GTPBP1: variants seen among roughly 807,000 people sequenced by gnomAD.
GTPBP1 encodes GTP binding protein 1, also known as GTP-binding protein 1.
In GTPBP1, 23 loss-of-function variants were observed where a neutral mutation model predicts 62.0. The observed-to-expected ratio is 0.37, with a 90% CI of 0.27 to 0.53. The LOEUF (loss-of-function observed/expected upper bound fraction) is 0.53. Among genes scored for constraint, GTPBP1 ranks in the 20% least tolerant of loss-of-function variants. The probability of loss-of-function intolerance (pLI) is 0.89; values close to 1 mark genes in which losing one functional copy is unlikely to be tolerated. For missense variants in GTPBP1, 640 were observed against 917.3 expected, an observed-to-expected ratio of 0.70 and a Z score of 3.90; for synonymous variants, 344 against 364.4, an observed-to-expected ratio of 0.94 and a Z score of 0.64.
intron 2 of GTPBP1, 53 bp from the exon 3 acceptor site, chr22:38,715,854 G>A (rs2092666923): frequency 1.3e-6 from 2 of 1,488,884 alleles, no homozygotes; most frequent in Admixed American, 4.1e-5. Flanking sequence ...CTGGTTGGCA[G>A]GCTGGTTGGT....
chr22:38,706,493 C>G (rs1046400489), intron 1 of GTPBP1: 167 of 191,390 alleles, frequency 8.7e-4, no homozygotes, highest in African/African-American at 3.7e-3. Flanking sequence ...AGTGCCCCTC[C>G]CCGTTCTTCG....
In GTPBP1 at chr22:38,716,459, C is replaced by T. The variant is rs2145855189; in HGVS notation, c.486-193C>T. 6.6e-6 allele frequency among the ~76,000 whole-genome samples: 1 copy of T among 152,260 alleles called. No individual in the cohort carries two copies. The highest frequency in any genetic ancestry group is 1.9e-4 in the East Asian group (1 of 5,170). ...GAGATAGCCGCTGTGGGAGTCTGGG[C>T]CCTTCTGATGACTCTACAGCAGCAG... is the stretch of plus-strand genomic sequence containing the variant. On this transcript the variant is annotated intron_variant, in intron 3 of 11. Transcript: ENST00000216044. The surrounding 1 kb of genome is among the most constrained non-coding windows in gnomAD (Gnocchi z 5.2).
intron 4 of GTPBP1, among the ~76,000 whole-genome samples, chr22:38,720,073 C>T (rs1417220028): frequency 8.6e-5 from 13 of 151,682 alleles, no homozygotes; most frequent in African/African-American, 2.7e-4. Context: ...GGACTACAGG[C>T]GCCCGCCACG....
At chr22:38,736,491 C>T, downstream of GTPBP1, 2 of 791,154 alleles carry the variant, frequency 2.5e-6, no homozygotes, top group South Asian at 1.9e-5. Context: ...TCCCCTGCTC[C>T]TTCCCTGGGG....
downstream of GTPBP1, chr22:38,736,343 C>A (rs137996727): frequency 7.7e-5 from 124 of 1,613,922 alleles, no homozygotes; most frequent in Non-Finnish European, 1.0e-4. Flanking sequence ...AGTCAGGATC[C>A]GCAGCTCCAC....
chr22:38,722,872 G>A, intron 5 of GTPBP1: 15 of 1,434,330 alleles, frequency 1.0e-5, no homozygotes, highest in Non-Finnish European at 1.5e-5. Flanking sequence ...TTCACCAAGT[G>A]GAGGGTTTCT....
intron 4 of GTPBP1, 96 bp downstream of exon 4, chr22:38,717,096 T>C (rs2092675133): frequency 2.6e-6 from 2 of 761,440 alleles, no homozygotes; most frequent in Admixed American, 2.3e-5. Flanking sequence ...TGAGGCCTGT[T>C]GGTTTGGGGC....
downstream of GTPBP1, chr22:38,736,467 T>C: frequency 2.7e-6 from 3 of 1,096,996 alleles, no homozygotes; most frequent in East Asian, 2.7e-5. Context: ...CAGCCTCGCC[T>C]AGGGCCAGAT....
chr22:38,742,926 T>C, downstream of GTPBP1: 1 of 185,452 alleles, frequency 5.4e-6, no homozygotes, highest in East Asian at 1.4e-4. Context: ...GGCCTGAAGC[T>C]CACTCCTTCC....
At chr22:38,742,919 C>T, downstream of GTPBP1, 1 of 192,256 alleles carries the variant, frequency 5.2e-6, no homozygotes, top group Non-Finnish European at 1.1e-5. Context: ...CCCTCCTGGC[C>T]TGAAGCTCAC....
At chr22:38,714,047 G>T (rs1244227635) in intron 2 of GTPBP1, among the ~76,000 whole-genome samples, 4 of 152,226 alleles carry the variant, frequency 2.6e-5, no homozygotes, top group Non-Finnish European at 5.9e-5. Context: ...CGGGGGACGG[G>T]GTGGGGAGGC....
At chr22:38,724,849 C>T (rs1381361543) in intron 6 of GTPBP1, among the ~76,000 whole-genome samples, 3 of 152,214 alleles carry the variant, frequency 2.0e-5, no homozygotes, top group Admixed American at 6.5e-5. Flanking sequence ...CAAAAGCTCA[C>T]TAATCAGATC....
intron 6 of GTPBP1, chr22:38,725,755 A>G (rs1907090816): frequency 6.0e-6 from 3 of 499,792 alleles, no homozygotes; most frequent in Non-Finnish European, 1.1e-5. Context: ...GTGGTGGAGG[A>G]CAGAGAGGAG....
chr22:38,714,356 G>A (rs1003848785), intron 2 of GTPBP1, among the ~76,000 whole-genome samples: 2 of 152,178 alleles, frequency 1.3e-5, no homozygotes, highest in African/African-American at 4.8e-5. Context: ...GCGGGCGCCT[G>A]TAATCCCAGC....
chr22:38,729,699 G>C (rs781597788), intron 11 of GTPBP1, 37 bp downstream of exon 11: 7 of 1,398,830 alleles, frequency 5.0e-6, no homozygotes, highest in Non-Finnish European at 6.6e-6. Context: ...GCATGGTGGT[G>C]GGGGCTGTGG....
chr22:38,717,702 C>G (rs1199034726), intron 4 of GTPBP1, among the ~76,000 whole-genome samples: 1 of 152,234 alleles, frequency 6.6e-6, no homozygotes, highest in Non-Finnish European at 1.5e-5. Context: ...GAGCAGAGGG[C>G]TCTGTGTTGG....
chr22:38,737,688 C>T (rs2092818209), downstream of GTPBP1: 1 of 354,252 alleles, frequency 2.8e-6, no homozygotes. The surrounding 1 kb of genome is among the most constrained non-coding windows in gnomAD (Gnocchi z 4.1). Context: ...TGTTCAAATG[C>T]AGGCTCCTGG....
downstream of GTPBP1, chr22:38,740,239 C>T: frequency 6.6e-7 from 1 of 1,523,378 alleles, no homozygotes; most frequent in Admixed American, 2.0e-5. The surrounding 1 kb of genome is among the most constrained non-coding windows in gnomAD (Gnocchi z 4.8). Flanking sequence ...GGAGAGGGAC[C>T]AGCAGGGCCC....
chr22:38,742,513 G>A (rs775496885), downstream of GTPBP1: 10 of 1,613,140 alleles, frequency 6.2e-6, no homozygotes, highest in African/African-American at 1.3e-5. Context: ...GCTTCCAGAC[G>A]CCGCTCCAGA....
Sources: allele counts gnomAD v4.1 joint callset (sites outside exome capture counted in the v4.1 genomes callset), GRCh38; gene constraint gnomAD v4.1.1; non-coding constraint Gnocchi (gnomAD v3.1); transcripts MANE v1.5; gene names NCBI Gene and HGNC (gene_info 2026-07-23, HGNC 2026-07-21).